Variants in MRPS35 observed in about 807,000 individuals in gnomAD.
MRPS35 encodes mitochondrial ribosomal protein S35.
Under a neutral mutation model 32.7 loss-of-function variants are expected in MRPS35, and 29 were observed. That is an observed-to-expected ratio of 0.89 (90% CI 0.66 to 1.21). MRPS35 has a LOEUF of 1.21. Among genes scored for constraint, MRPS35 ranks in the 50% most tolerant of loss-of-function variants. MRPS35 has a pLI of 0.00. For missense variants in MRPS35, 373 were observed against 383.8 expected (o/e 0.97, Z 0.23); for synonymous variants, 148 against 139.3 (o/e 1.06, Z -0.44).
rs766869870 is a variant in MRPS35, at chr12:27,716,494, C to G, written c.321+36C>G. Reference sequence around the variant, plus strand: ...TTGCTGATTCATTGGCTCAGACTTACATAGAAATAAATGCTGATCTTCCCC... The same window carrying G: ...TTGCTGATTCATTGGCTCAGACTTAGATAGAAATAAATGCTGATCTTCCCC... On this transcript the variant is annotated intron_variant, in intron 3 of 7. Transcript: ENST00000081029. 22 of 1,608,088 alleles carry G rather than the reference C, an allele frequency of 1.4e-5. No homozygotes were observed. The East Asian group carries it at 3.1e-4, about 23-fold the overall frequency.
At chr12:27,754,699 C>T (rs763243368) in intron 7 of MRPS35, among the ~76,000 whole-genome samples, 1 of 141,900 alleles carries the variant, frequency 7.0e-6, no homozygotes, top group African/African-American at 2.7e-5. Context: ...ACTGCAAGGT[C>T]GAGGCTGCTG....
intron 1 of MRPS35, among the ~76,000 whole-genome samples, chr12:27,712,997 C>T (rs543528168): frequency 2.0e-5 from 3 of 152,288 alleles, no homozygotes; most frequent in East Asian, 1.9e-4. Context: ...GCCTGGGTGA[C>T]GGGAGTGAGA....
At chr12:27,749,947 G>C (rs2061995396) in intron 7 of MRPS35, among the ~76,000 whole-genome samples, 1 of 152,154 alleles carries the variant, frequency 6.6e-6, no homozygotes, top group Non-Finnish European at 1.5e-5. Flanking sequence ...AAAGCTCATG[G>C]TAAATACCAT....
chr12:27,755,278 TC>T lies in MRPS35; in HGVS notation c.802del (p.Gln268ArgfsTer2), dbSNP rs1458321445. 19 of 1,613,006 alleles carry T rather than the reference TC, an allele frequency of 1.2e-5. No individual in the cohort carries two copies. In the South Asian group the frequency reaches 2.1e-4, roughly 18 times the overall value. ...GAAAGAAATATCCTGGAAACGCTTC[TC>T]CAGATGAAAGCTGCTGAGAAAAATA... is the stretch of plus-strand genomic sequence containing the variant. ...SSERNILETLLQMKAAEKNME... is the reference protein window; with the variant it reads ...SSERNILETLXQMKAAEKNME... On this transcript the variant is annotated frameshift_variant, in exon 8 of 8. Coordinates refer to ENST00000081029, the MANE Select transcript of MRPS35 (RefSeq NM_021821.4). LOFTEE classifies it low-confidence loss of function (END_TRUNC).
intron 6 of MRPS35, among the ~76,000 whole-genome samples, chr12:27,736,954 G>A (rs779141740): frequency 5.9e-5 from 9 of 152,164 alleles, no homozygotes; most frequent in Non-Finnish European, 1.0e-4. Context: ...ATAGCTCACT[G>A]AAGCCTTGAA....
At chr12:27,718,764 G>A (rs1343082457) in intron 3 of MRPS35, among the ~76,000 whole-genome samples, 1 of 152,148 alleles carries the variant, frequency 6.6e-6, no homozygotes, top group African/African-American at 2.4e-5. Context: ...ATGCTATGCA[G>A]CCCAGGGGAA....
intron 4 of MRPS35, among the ~76,000 whole-genome samples, chr12:27,722,933 T>A (rs1332093130): frequency 6.6e-6 from 1 of 152,150 alleles, no homozygotes; most frequent in Non-Finnish European, 1.5e-5. Context: ...CCCAAGGAAA[T>A]GTTATTGGCA....
intron 1 of MRPS35, among the ~76,000 whole-genome samples, chr12:27,713,014 C>T (rs2061834561): frequency 6.6e-6 from 1 of 152,092 alleles, no homozygotes; most frequent in Admixed American, 6.6e-5. Context: ...GAGACCCTAT[C>T]TCAAAAGAAA....
At position 27,710,835 on chromosome 12, in the gene MRPS35, C is replaced by T. The variant is rs371084007; in HGVS notation, c.-9C>T. ...CGCTTGTCCCCTCCGGCTTGCCGTC[C>T]TCGCAGCCATGGCGGCCGCCGCGCT... On this transcript the variant is annotated 5_prime_UTR_variant, in exon 1 of 8. Coordinates refer to ENST00000081029, the MANE Select transcript of MRPS35 (RefSeq NM_021821.4). 2 of 1,602,062 alleles carry T rather than the reference C, an allele frequency of 1.2e-6. No individual in the cohort carries two copies. Among genetic ancestry groups the T allele is most frequent in the East Asian group, 4.5e-5 (2 of 44,698 alleles).
intron 5 of MRPS35, among the ~76,000 whole-genome samples, chr12:27,730,829 T>C (rs2061919498): frequency 6.6e-6 from 1 of 152,134 alleles, no homozygotes. Context: ...ACTTGTCCAT[T>C]TTCTTCACCA....
intron 7 of MRPS35, among the ~76,000 whole-genome samples, chr12:27,750,715 G>A (rs2061998542): frequency 6.6e-6 from 1 of 152,124 alleles, no homozygotes. Flanking sequence ...TGAGGCAAGG[G>A]GATTGCATGA....
chr12:27,722,181 G>T (rs115083801), intron 4 of MRPS35, among the ~76,000 whole-genome samples: 1 of 152,104 alleles, frequency 6.6e-6, no homozygotes, highest in Non-Finnish European at 1.5e-5. Context: ...TTCAGATTGC[G>T]TCTTCCGTAT....
At chr12:27,748,693 C>G (rs139133284) in intron 7 of MRPS35, among the ~76,000 whole-genome samples, 5 of 151,826 alleles carry the variant, frequency 3.3e-5, no homozygotes, top group African/African-American at 1.2e-4. Flanking sequence ...TTTTGTGTGA[C>G]AAGGTCTGGC....
intron 5 of MRPS35, 139 bp from the exon 6 acceptor site, chr12:27,735,308 C>A: frequency 3.4e-6 from 2 of 579,874 alleles, no homozygotes; most frequent in Non-Finnish European, 5.9e-6. Flanking sequence ...TATGTCCCAA[C>A]TGCTTGCTCT....
At chr12:27,711,032 G>C (rs1237333558) in intron 1 of MRPS35, 77 bp downstream of exon 1, 2 of 1,396,306 alleles carry the variant, frequency 1.4e-6, no homozygotes, top group Non-Finnish European at 2.0e-6. Flanking sequence ...AGGGTGCCGC[G>C]GTGGCTGAGC....
intron 7 of MRPS35, chr12:27,753,085 A>T (rs2062012459): frequency 7.3e-6 from 1 of 137,580 alleles, no homozygotes. Context: ...GAGGACACAG[A>T]GTTGGTTCTC....
intron 6 of MRPS35, among the ~76,000 whole-genome samples, chr12:27,736,148 A>G (rs1302878657): frequency 6.6e-6 from 1 of 152,226 alleles, no homozygotes; most frequent in Non-Finnish European, 1.5e-5. Flanking sequence ...AATTATGTCA[A>G]AATATAAAAA....
intron 3 of MRPS35, among the ~76,000 whole-genome samples, chr12:27,716,939 C>T (rs1379981425): frequency 1.3e-5 from 2 of 151,972 alleles, no homozygotes; most frequent in East Asian, 1.9e-4. Context: ...TGCAGTGAGC[C>T]GAGATGGCGC....
chr12:27,739,949 T>C (rs1486415637), intron 7 of MRPS35, among the ~76,000 whole-genome samples: 5 of 152,208 alleles, frequency 3.3e-5, no homozygotes, highest in African/African-American at 1.2e-4. Context: ...GATGCCAGGA[T>C]AAGTAGCCAC....
Sources: gnomAD v4.1 joint callset for allele counts (sites outside exome capture counted in the v4.1 genomes callset) on GRCh38, gnomAD v4.1.1 for gene constraint, MANE v1.5 for transcripts, NCBI Gene and HGNC (gene_info 2026-07-23, HGNC 2026-07-21) for gene names.